Variants in CCNB1 observed in about 807,000 individuals in gnomAD.
The protein encoded by CCNB1 is cyclin B1.
Under a neutral mutation model 44.4 loss-of-function variants are expected in CCNB1, and 26 were observed. The ratio of observed to expected loss-of-function variants is 0.59; its 90% confidence interval spans 0.43 to 0.81. The LOEUF (loss-of-function observed/expected upper bound fraction) is 0.81, where lower values mean the gene tolerates loss of function less well. CCNB1 is among the 40% of genes least tolerant of loss of function. CCNB1 has a pLI of 0.00. For missense variants in CCNB1, 477 were observed against 520.9 expected (o/e 0.92, Z 0.82); for synonymous variants, 195 against 181.4 (o/e 1.08, Z -0.60).
Position 69,171,308 on chromosome 5 carries a change from A to G in CCNB1, c.402A>G (p.Gly134=). Residue 134 remains glycine (G), a synonymous_variant, in exon 4 of 9, where the codon GGA becomes GGG. Transcript: ENST00000256442. ...TASPSPMETS[G]CAPAEEDLCQ... ...CTCCAAGCCCAATGGAAACATCTGG[A>G]TGTGCCCCTGCAGAAGAAGACCTGT... 2 of 1,613,348 alleles carry G rather than the reference A, an allele frequency of 1.2e-6. No individual in the cohort carries two copies. Among genetic ancestry groups the G allele is most frequent in the Non-Finnish European group, 1.7e-6 (2 of 1,179,842 alleles).
intron 7 of CCNB1, among the ~76,000 whole-genome samples, chr5:69,175,753 G>A (rs1156947892): frequency 6.6e-6 from 1 of 151,930 alleles, no homozygotes; most frequent in Non-Finnish European, 1.5e-5. Flanking sequence ...GTGCAGTCTT[G>A]GCCCACTGCA....
chr5:69,177,125 TATTA>T (rs1747613070), intron 7 of CCNB1, 110 bp from the exon 8 acceptor site: 3 of 554,926 alleles, frequency 5.4e-6, no homozygotes, highest in Non-Finnish European at 9.6e-6. Flanking sequence ...ATTTCAGTTA[TATTA>T]ATTATACAGT....
intron 4 of CCNB1, among the ~76,000 whole-genome samples, chr5:69,173,103 C>T (rs1043803884): frequency 2.6e-5 from 4 of 152,110 alleles, no homozygotes; most frequent in African/African-American, 4.8e-5. Flanking sequence ...ATGCTTCGTT[C>T]TTGTTCTGTG....
At position 69,167,203 on chromosome 5, in the gene CCNB1, G is replaced by C; in HGVS notation, c.-60G>C. 2 of 1,480,368 alleles carry C rather than the reference G, an allele frequency of 1.4e-6. No individual in the cohort carries two copies. The allele number at this position is 1,480,368 out of a possible 1,614,324, so 91.7% of individuals were successfully genotyped here. On this transcript the variant is annotated 5_prime_UTR_variant, in exon 1 of 9. Transcript: ENST00000256442. ...TTCTGCTGGGTGTAGGTCCTTGGCTGGTCGGGCCTCCGGTGTTCTGCTTCT... is the reference window on the plus strand; with the variant it reads ...TTCTGCTGGGTGTAGGTCCTTGGCTCGTCGGGCCTCCGGTGTTCTGCTTCT...
At position 69,172,769 on chromosome 5, in the gene CCNB1, CTT is replaced by C. The variant is rs922322066; in HGVS notation, c.546+1338_546+1339del. Among the ~76,000 whole-genome samples the C allele has an allele frequency of 1.4e-3, 137 of 96,810 alleles. 1 individual carries two copies. Among genetic ancestry groups the C allele is most frequent in the African/African-American group, 4.8e-3 (118 of 24,356 alleles). 63.5% of individuals were successfully genotyped at this position (96,810 alleles called of 152,430 possible). On this transcript the variant is annotated intron_variant, in intron 4 of 8. Coordinates refer to ENST00000256442, the MANE Select transcript of CCNB1 (RefSeq NM_031966.4). Reference sequence around the variant, plus strand: ...ATTCAATTTAGTAAATGTGCTGTTTCTTTTTTTTTTTTTTTTTTTTTTGGGAC... The same window carrying C: ...ATTCAATTTAGTAAATGTGCTGTTTCTTTTTTTTTTTTTTTTTTTTGGGAC...
At chr5:69,174,098 G>GT (rs1007243722) in intron 4 of CCNB1, among the ~76,000 whole-genome samples, 153 bp from the exon 5 acceptor site, 2 of 152,072 alleles carry the variant, frequency 1.3e-5, no homozygotes, top group African/African-American at 4.8e-5. Flanking sequence ...TGGTGATGGT[G>GT]TTGTTTGTGG....
chr5:69,172,435 T>G (rs1260479843), intron 4 of CCNB1, among the ~76,000 whole-genome samples: 1 of 152,008 alleles, frequency 6.6e-6, no homozygotes. Context: ...TTTTGTACTT[T>G]TAGTAGAGAT....
In CCNB1 at chr5:69,174,263, G is replaced by A; in HGVS notation, c.559G>A (p.Val187Ile). Reference protein sequence around the residue: ...YLRQLEEEQAVRPKYLLGREV... With the variant: ...YLRQLEEEQAIRPKYLLGREV... The stretch of plus-strand genomic sequence containing the variant: ...TTTTCTTTTGCAGGAAGAGCAAGCA[G>A]TCAGACCAAAATACCTACTGGGTCG... The change falls in exon 5 of 9, where the codon GTC (valine) becomes ATC (isoleucine). Residue 187 changes from valine (V) to isoleucine (I), a missense_variant. Transcript: ENST00000256442. 1.2e-6 allele frequency: 2 copies of A among 1,613,982 alleles called. No homozygotes were observed. The highest frequency in any genetic ancestry group is 1.3e-5 in the African/African-American group (1 of 75,048).
In CCNB1 at chr5:69,167,898, C is replaced by T. The variant is rs1747371209; in HGVS notation, c.22-10C>T. 1 of 1,605,066 alleles carries T rather than the reference C, an allele frequency of 6.2e-7. No homozygotes were observed. Among genetic ancestry groups the T allele is most frequent in the South Asian group, 1.1e-5 (1 of 89,794 alleles). ...TGGATCAGCTCTTAAAGTGGTCTTG[C>T]TTCTTTCAGAACTCGAAAATTAATG... On this transcript the variant is annotated splice_polypyrimidine_tract_variant and intron_variant, in intron 1 of 8. Transcript: ENST00000256442.
intron 3 of CCNB1, among the ~76,000 whole-genome samples, chr5:69,168,690 G>C (rs1268428395): frequency 6.6e-6 from 1 of 152,194 alleles, no homozygotes. Flanking sequence ...ATATTAAGTA[G>C]TAGCTGTCTG....
In CCNB1 at chr5:69,168,056, A is replaced by G. The variant is rs1308224608; in HGVS notation, c.170A>G (p.Gln57Arg). The G allele has an allele frequency of 6.2e-7, 1 of 1,613,956 alleles. No individual in the cohort carries two copies. Among genetic ancestry groups the G allele is most frequent in the African/African-American group, 1.3e-5 (1 of 75,048 alleles). The change falls in exon 2 of 9, where the codon CAG becomes CGG. Residue 57 changes from glutamine to arginine, a missense_variant. Physicochemically the swap from Gln to Arg is conservative, Grantham distance 43. Coordinates refer to ENST00000256442, the MANE Select transcript of CCNB1 (RefSeq NM_031966.4). ...GGTAACAAAGTCAGTGAACAACTGC[A>G]GGCCAAAATGCCTATGAAGAAGGTA... ...DIGNKVSEQL[Q>R]AKMPMKKEAK...
At chr5:69,172,379 C>A (rs1307908604) in intron 4 of CCNB1, among the ~76,000 whole-genome samples, 1 of 152,100 alleles carries the variant, frequency 6.6e-6, no homozygotes, top group Non-Finnish European at 1.5e-5. Context: ...GCCTCAGCAT[C>A]CCGAGCAGCT....
rs761932194 is a variant in CCNB1 at position 69,175,109 on chromosome 5, G to A, written c.938G>A (p.Gly313Glu). The A allele has an allele frequency of 1.9e-6, 3 of 1,609,620 alleles. No individual in the cohort carries two copies. Among genetic ancestry groups the A allele is most frequent in the Non-Finnish European group, 2.5e-6 (3 of 1,176,478 alleles). ...LHFLRRASKI[G>E]EVDVEQHTLA... ...TTCCTTCGGAGAGCATCTAAGATTG[G>A]AGAGGTACAGGTTTCTTGAGAAACC... The change falls in exon 6 of 9, where the codon GGA becomes GAA. Residue 313 changes from glycine (G) to glutamate (E), a missense_variant. Transcript: ENST00000256442.
chr5:69,171,469 GT>G lies in CCNB1; in HGVS notation c.546+25del. ...CAACTTGAGGTAAGTATTATCATTC[GT>G]TTTTTTTCTAAACTGCATCTAACTT... On this transcript the variant is annotated intron_variant, in intron 4 of 8. Transcript: ENST00000256442. 6.5e-6 allele frequency: 10 copies of G among 1,544,486 alleles called. No individual in the cohort carries two copies. The highest frequency in any genetic ancestry group is 2.0e-5 in the Admixed American group (1 of 49,654).
chr5:69,167,950 G>A lies in CCNB1; in HGVS notation c.64G>A (p.Ala22Thr), dbSNP rs777039051. Reference protein sequence around the residue: ...NAENKAKINMAGAKRVPTAPA... With the variant: ...NAENKAKINMTGAKRVPTAPA... ...TGAAAATAAGGCGAAGATCAACATG[G>A]CAGGCGCAAAGCGCGTTCCTACGGC... Residue 22 changes from alanine (A) to threonine (T), a missense_variant, in exon 2 of 9, where the codon GCA becomes ACA. By Grantham distance (58) the Ala-to-Thr change is moderately conservative. Transcript: ENST00000256442. 8.6e-5 allele frequency: 139 copies of A among 1,613,528 alleles called. No homozygotes were observed. The highest frequency in any genetic ancestry group is 1.1e-4 in the Non-Finnish European group (134 of 1,179,926).
At chr5:69,175,982 A>AAT (rs68140968) in intron 7 of CCNB1, among the ~76,000 whole-genome samples, 20,504 of 115,754 alleles carry the variant, frequency 0.18, 1,770 homozygotes, top group Middle Eastern at 0.23. Context: ...AAATATATAA[A>AAT]ATATATATAT....
rs373737881 is a variant in CCNB1 at position 69,171,469 on chromosome 5, G to C, written c.546+17G>C. On this transcript the variant is annotated intron_variant, in intron 4 of 8. Coordinates refer to ENST00000256442, the MANE Select transcript of CCNB1 (RefSeq NM_031966.4). Reference sequence around the variant, plus strand: ...CAACTTGAGGTAAGTATTATCATTCGTTTTTTTTCTAAACTGCATCTAACT... The same window carrying C: ...CAACTTGAGGTAAGTATTATCATTCCTTTTTTTTCTAAACTGCATCTAACT... 2.6e-6 allele frequency: 4 copies of C among 1,544,506 alleles called. No homozygotes were observed. In the Admixed American group the frequency reaches 8.1e-5, roughly 31 times the overall value.
chr5:69,174,195 A>G, intron 4 of CCNB1, 56 bp from the exon 5 acceptor site: 3 of 1,529,178 alleles, frequency 2.0e-6, no homozygotes, highest in South Asian at 1.2e-5. Context: ...CTTTCTGGAC[A>G]TAAATGTGTC....
chr5:69,168,151 A>G, intron 2 of CCNB1, 22 bp from the exon 3 acceptor site: 2 of 1,612,250 alleles, frequency 1.2e-6, no homozygotes, highest in Non-Finnish European at 1.7e-6. Flanking sequence ...GAAACATTTC[A>G]TTCTCTCTGT....
Sources: allele counts gnomAD v4.1 joint callset (sites outside exome capture counted in the v4.1 genomes callset), GRCh38; gene constraint gnomAD v4.1.1; transcripts MANE v1.5; gene names NCBI Gene and HGNC (gene_info 2026-07-23, HGNC 2026-07-21).